The following DOK6 variants were observed in gnomAD, a reference collection of about 807,000 sequenced individuals.
DOK6 encodes downstream of tyrosine kinase 6.
Under a neutral mutation model 44.0 loss-of-function variants are expected in DOK6, and 22 were observed. The observed-to-expected ratio is 0.50, with a 90% CI of 0.36 to 0.71. The LOEUF (loss-of-function observed/expected upper bound fraction) is 0.71. Among genes scored for constraint, DOK6 ranks in the 30% least tolerant of loss-of-function variants. The pLI is 0.00. For missense variants in DOK6, 340 were observed against 416.4 expected, an observed-to-expected ratio of 0.82 and a Z score of 1.60; for synonymous variants, 166 against 145.5, an observed-to-expected ratio of 1.14 and a Z score of -1.01.
At chr18:69,837,087 G>A (rs534815042) in intron 7 of DOK6, among the ~76,000 whole-genome samples, 3 of 152,262 alleles carry the variant, frequency 2.0e-5, no homozygotes, top group South Asian at 2.1e-4. Flanking sequence ...TGAAGAAAGC[G>A]ATGCTGACCT....
intron 1 of DOK6, among the ~76,000 whole-genome samples, chr18:69,438,088 A>G (rs1479593184): frequency 3.3e-5 from 5 of 152,112 alleles, no homozygotes; most frequent in Non-Finnish European, 7.3e-5. Context: ...GTGGTTGCTG[A>G]AAGTTGGGGT....
In DOK6 at chr18:69,841,335, G is replaced by T. The variant is rs978843273; in HGVS notation, c.948G>T (p.Ser316=). The T allele has an allele frequency of 6.2e-7, 1 of 1,614,136 alleles. No homozygotes were observed. Among genetic ancestry groups the T allele is most frequent in the South Asian group, 1.1e-5 (1 of 91,084 alleles). Residue 316 remains serine (S), a synonymous_variant, in exon 8 of 8, where the codon TCG becomes TCT. Transcript: ENST00000382713. ...EQSEEAQQPL[S]RSSSYGFSYS... is the part of the protein sequence containing the mutation. ...GTGAAGAGGCCCAGCAGCCGTTGTC[G>T]CGGTCCAGCAGCTATGGATTCAGCT...
At chr18:69,772,114 G>A (rs1334457410) in intron 7 of DOK6, among the ~76,000 whole-genome samples, 1 of 151,776 alleles carries the variant, frequency 6.6e-6, no homozygotes, top group Admixed American at 6.6e-5. Context: ...ATACTACAAT[G>A]AGCTATGATT....
At chr18:69,594,827 G>A (rs549520262) in intron 2 of DOK6, among the ~76,000 whole-genome samples, 4 of 151,118 alleles carry the variant, frequency 2.6e-5, no homozygotes, top group South Asian at 4.2e-4. Flanking sequence ...TGTCTCTTAC[G>A]TGAAAAAAAA....
chr18:69,411,540 G>A (rs1978305970), intron 1 of DOK6, among the ~76,000 whole-genome samples: 1 of 152,098 alleles, frequency 6.6e-6, no homozygotes, highest in Admixed American at 6.6e-5. Flanking sequence ...ACTATTGTTT[G>A]CATTGAGAAT....
At chr18:69,434,967 G>GGAAT (rs1472615071) in intron 1 of DOK6, among the ~76,000 whole-genome samples, 27 of 142,536 alleles carry the variant, frequency 1.9e-4, no homozygotes, top group African/African-American at 6.7e-4. Context: ...AAGGAAGGAA[G>GGAAT]GAAGGAAGGA....
intron 1 of DOK6, among the ~76,000 whole-genome samples, chr18:69,520,508 A>G (rs1463570629): frequency 6.6e-6 from 1 of 151,870 alleles, no homozygotes; most frequent in African/African-American, 2.4e-5. Context: ...CCAAAAGTCT[A>G]AAATCGAAAA....
intron 2 of DOK6, among the ~76,000 whole-genome samples, chr18:69,584,002 G>GA: frequency 6.6e-6 from 1 of 150,536 alleles, no homozygotes; most frequent in South Asian, 2.1e-4. Flanking sequence ...CAGCTACTCA[G>GA]GAGGCTGAGG....
chr18:69,726,981 A>G (rs1438312978), intron 5 of DOK6, among the ~76,000 whole-genome samples: 1 of 152,024 alleles, frequency 6.6e-6, no homozygotes, highest in Non-Finnish European at 1.5e-5. Flanking sequence ...CAGCCTCCCA[A>G]GTAGCTGGGG....
chr18:69,587,009 CA>C (rs1373118034), intron 2 of DOK6, among the ~76,000 whole-genome samples: 6 of 152,154 alleles, frequency 3.9e-5, no homozygotes, highest in African/African-American at 1.4e-4. Flanking sequence ...TTTAAAGAAA[CA>C]AATATCTTAC....
intron 7 of DOK6, among the ~76,000 whole-genome samples, chr18:69,777,518 C>G (rs1355779728): frequency 6.6e-6 from 1 of 152,004 alleles, no homozygotes; most frequent in Non-Finnish European, 1.5e-5. Context: ...TTTATCCAGG[C>G]CTGCAAAATG....
At chr18:69,592,435 C>G (rs1317334582) in intron 2 of DOK6, among the ~76,000 whole-genome samples, 2 of 151,926 alleles carry the variant, frequency 1.3e-5, no homozygotes, top group Admixed American at 6.6e-5. Flanking sequence ...AAAACAAGAT[C>G]ATGTGTTTCA....
chr18:69,486,845 T>C (rs957594679), intron 1 of DOK6, among the ~76,000 whole-genome samples: 4 of 152,210 alleles, frequency 2.6e-5, no homozygotes, highest in Admixed American at 2.0e-4. Context: ...TGGTTTCATT[T>C]TAAAGTTTAC....
intron 4 of DOK6, among the ~76,000 whole-genome samples, chr18:69,679,314 G>T (rs1359535950): frequency 6.6e-6 from 1 of 152,182 alleles, no homozygotes; most frequent in Non-Finnish European, 1.5e-5. Flanking sequence ...GCCATTGCTA[G>T]CTCATGGCCC....
chr18:69,606,759 T>C (rs1161719873), intron 3 of DOK6, among the ~76,000 whole-genome samples: 1 of 28,346 alleles, frequency 3.5e-5, no homozygotes, highest in African/African-American at 9.8e-5. Flanking sequence ...CAAAAAGGAT[T>C]TTTTTTTTTT....
intron 1 of DOK6, among the ~76,000 whole-genome samples, chr18:69,505,066 A>G (rs1283232890): frequency 2.6e-5 from 4 of 152,332 alleles, no homozygotes; most frequent in Non-Finnish European, 5.9e-5. Context: ...CCACTGGAGG[A>G]CTGAAGAAAA....
intron 3 of DOK6, among the ~76,000 whole-genome samples, chr18:69,626,357 C>T (rs538343362): frequency 8.5e-5 from 13 of 152,332 alleles, no homozygotes; most frequent in Admixed American, 5.2e-4. Context: ...GGTCCATTCA[C>T]ATTTGCTCCT....
At chr18:69,512,209 A>C (rs1372774) in intron 1 of DOK6, among the ~76,000 whole-genome samples, 1,981 of 151,832 alleles carry the variant, frequency 0.013, 37 homozygotes, top group African/African-American at 0.046. Flanking sequence ...TCTTACAAAA[A>C]AAGGGCAAGA....
intron 1 of DOK6, among the ~76,000 whole-genome samples, chr18:69,410,814 T>G (rs2122389758): frequency 6.6e-6 from 1 of 152,324 alleles, no homozygotes; most frequent in Middle Eastern, 3.4e-3. Context: ...TTCTGAACAA[T>G]GCAATCATGA....
Sources: gnomAD v4.1 joint callset for allele counts (sites outside exome capture counted in the v4.1 genomes callset) on GRCh38, gnomAD v4.1.1 for gene constraint, MANE v1.5 for transcripts, NCBI Gene and HGNC (gene_info 2026-07-23, HGNC 2026-07-21) for gene names.